NKIRAS1: variants seen among roughly 807,000 people sequenced by gnomAD.
NKIRAS1 encodes the protein NFKB inhibitor interacting Ras like 1, also known as NF-kappa-B inhibitor-interacting Ras-like protein 1.
NKIRAS1 carries 16 observed loss-of-function variants against 19.8 expected under a neutral mutation model. The ratio of observed to expected loss-of-function variants is 0.81; its 90% CI spans 0.55 to 1.23. The LOEUF is 1.23. Ranked by LOEUF, NKIRAS1 falls within the 50% of genes most tolerant of loss-of-function variation. The pLI is 0.00. For synonymous variants in NKIRAS1, 88 were observed against 79.0 expected (o/e 1.11, Z -0.61); for missense variants, 184 against 220.0 (o/e 0.84, Z 1.04).
upstream of NKIRAS1, chr3:23,920,893 T>G (rs1705043440): frequency 2.0e-6 from 1 of 507,168 alleles, no homozygotes; most frequent in Admixed American, 6.4e-5. Flanking sequence ...TAATGTACTT[T>G]AAAGCAAACC....
At chr3:23,920,009 A>T (rs1268236476), upstream of NKIRAS1, 2 of 986,730 alleles carry the variant, frequency 2.0e-6, no homozygotes, top group Admixed American at 1.2e-4. Context: ...AAAAGGTGAA[A>T]GCTCCTGGTT....
chr3:23,936,846 G>A (rs770364335), intron 1 of NKIRAS1, among the ~76,000 whole-genome samples: 3 of 152,182 alleles, frequency 2.0e-5, no homozygotes, highest in East Asian at 1.9e-4. Context: ...GCACTACTGC[G>A]CCCGGCTGAA....
At chr3:23,924,935 T>G (rs553967682) in intron 1 of NKIRAS1, among the ~76,000 whole-genome samples, 1 of 152,302 alleles carries the variant, frequency 6.6e-6, no homozygotes, top group Admixed American at 6.5e-5. Flanking sequence ...TTCATGTATG[T>G]TAAAGATTGT....
chr3:23,944,353 G>A (rs780829014), intron 1 of NKIRAS1, among the ~76,000 whole-genome samples: 1 of 150,904 alleles, frequency 6.6e-6, no homozygotes, highest in Non-Finnish European at 1.5e-5. Context: ...AAACTGGAAA[G>A]AGTTTTACAA....
At chr3:23,943,242 C>CT (rs1449290012) in intron 1 of NKIRAS1, among the ~76,000 whole-genome samples, 5 of 152,094 alleles carry the variant, frequency 3.3e-5, no homozygotes, top group Non-Finnish European at 5.9e-5. Context: ...CCTTTTCTTC[C>CT]TTTTTTTGAG....
intron 4 of NKIRAS1, among the ~76,000 whole-genome samples, chr3:23,894,966 A>T (rs1408280837): frequency 6.6e-6 from 1 of 152,022 alleles, no homozygotes; most frequent in African/African-American, 2.4e-5. Context: ...CTGGTCTCTT[A>T]TTCTTTGACT....
upstream of NKIRAS1, chr3:23,918,638 T>A: frequency 6.4e-7 from 1 of 1,560,964 alleles, no homozygotes; most frequent in Non-Finnish European, 8.7e-7. Context: ...AGAGAGAGAT[T>A]AAGCAACTTT....
At chr3:23,919,146 T>A (rs755545221), upstream of NKIRAS1, 1 of 1,274,024 alleles carries the variant, frequency 7.8e-7, no homozygotes, top group South Asian at 1.2e-5. Flanking sequence ...TCTGACTTGC[T>A]GCTATAGGCA....
Position 23,927,257 on chromosome 3 carries a change from C to T in NKIRAS1, c.-139-15807G>A, listed in dbSNP as rs755358785. ...CTGCAAGGCTGAGTGCAGTGGCTCA[C>T]GTCTGTAATCCCAGCACTTTGGGAG... On this transcript the variant is annotated intron_variant, in intron 1 of 4. Transcript: ENST00000421515. The surrounding 1 kb of genome is among the most constrained non-coding windows in gnomAD (Gnocchi z 4.0). Among the ~76,000 whole-genome samples, 16 of 152,150 alleles carry T rather than the reference C, an allele frequency of 1.1e-4. No homozygotes were observed. Among genetic ancestry groups the T allele is most frequent in the Non-Finnish European group, 2.9e-5 (2 of 68,036 alleles).
rs932627790 is a variant in NKIRAS1 at position 23,926,160 on chromosome 3, C to T, written c.-139-14710G>A. On this transcript the variant is annotated intron_variant, in intron 1 of 4. Transcript: ENST00000421515. The surrounding 1 kb of genome is among the most constrained non-coding windows in gnomAD (Gnocchi z 4.3). ...CTGCCTCCCAGGTTCAAGCAATTCT[C>T]CCTGCCTCAGCCTCCCAAGTAGCTG... Among the ~76,000 whole-genome samples the T allele has an allele frequency of 5.9e-5, 9 of 152,158 alleles. No individual in the cohort carries two copies. The highest frequency in any genetic ancestry group is 3.9e-4 in the East Asian group (2 of 5,170).
At chr3:23,931,015 T>C (rs1705306858) in intron 1 of NKIRAS1, among the ~76,000 whole-genome samples, 1 of 152,088 alleles carries the variant, frequency 6.6e-6, no homozygotes, top group African/African-American at 2.4e-5. Flanking sequence ...ACAATATGTA[T>C]TTCAATATGT....
chr3:23,912,151 A>C (rs1703811242), intron 1 of NKIRAS1, among the ~76,000 whole-genome samples: 1 of 152,292 alleles, frequency 6.6e-6, no homozygotes, highest in South Asian at 2.1e-4. Context: ...TTCATGACTA[A>C]AACACCAAAA....
At chr3:23,930,704 A>G (rs1705298712) in intron 1 of NKIRAS1, among the ~76,000 whole-genome samples, 1 of 152,176 alleles carries the variant, frequency 6.6e-6, no homozygotes, top group Admixed American at 6.5e-5. Flanking sequence ...AATCTCTTTC[A>G]TTTTTTTATT....
chr3:23,935,496 G>A (rs1705377491), intron 1 of NKIRAS1, among the ~76,000 whole-genome samples: 1 of 152,068 alleles, frequency 6.6e-6, no homozygotes, highest in Non-Finnish European at 1.5e-5. Flanking sequence ...GCTCACTGGA[G>A]CCTCTACCAC....
intron 4 of NKIRAS1, among the ~76,000 whole-genome samples, chr3:23,897,366 G>A (rs1335919425): frequency 2.6e-5 from 4 of 151,948 alleles, no homozygotes; most frequent in Non-Finnish European, 5.9e-5. Context: ...GGACAGCTGT[G>A]GGAACCAGAC....
intron 1 of NKIRAS1, chr3:23,946,165 T>C (rs1344976375): frequency 1.0e-6 from 1 of 984,580 alleles, no homozygotes; most frequent in Non-Finnish European, 1.2e-6. Context: ...AGGCCGCGCG[T>C]GCGCGCCCGC....
At chr3:23,923,004 ATGT>A (rs1705138849) in intron 1 of NKIRAS1, 1 of 152,106 alleles carries the variant, frequency 6.6e-6, no homozygotes, top group African/African-American at 2.4e-5. Flanking sequence ...GGGTTTCACC[ATGT>A]TGTTCAGGCT....
At chr3:23,941,730 G>A (rs1452181469) in intron 1 of NKIRAS1, among the ~76,000 whole-genome samples, 1 of 152,118 alleles carries the variant, frequency 6.6e-6, no homozygotes, top group East Asian at 1.9e-4. Context: ...TGGTGTGGCT[G>A]GTGACTGACT....
intron 3 of NKIRAS1, among the ~76,000 whole-genome samples, chr3:23,904,096 C>T (rs926195349): frequency 6.6e-6 from 1 of 152,074 alleles, no homozygotes; most frequent in Admixed American, 6.6e-5. Context: ...ACTCAGGATG[C>T]GGAGGCTGCA....
Sources: gnomAD v4.1 joint callset for allele counts (sites outside exome capture counted in the v4.1 genomes callset) on GRCh38, gnomAD v4.1.1 for gene constraint, Gnocchi (gnomAD v3.1) non-coding constraint, MANE v1.5 for transcripts, NCBI Gene and HGNC (gene_info 2026-07-23, HGNC 2026-07-21) for gene names.